The following KCNAB1 variants were observed in gnomAD, a reference collection of about 807,000 sequenced individuals.
KCNAB1 encodes the protein voltage-gated potassium channel subunit beta-1.
KCNAB1 carries 35 observed loss-of-function variants against 64.6 expected under a neutral mutation model. That is an observed-to-expected ratio of 0.54 (90% confidence interval 0.41 to 0.72). The LOEUF (loss-of-function observed/expected upper bound fraction) is 0.72. KCNAB1 is among the 30% of genes least tolerant of loss of function. KCNAB1 has a pLI of 0.00. For synonymous variants in KCNAB1, 177 were observed against 183.8 expected (o/e 0.96, Z 0.30); for missense variants, 401 against 512.9 (o/e 0.78, Z 2.11).
At chr3:156,421,686 G>A (rs762434779) in intron 2 of KCNAB1, 27 bp downstream of exon 2, 85 of 1,611,378 alleles carry the variant, frequency 5.3e-5, no homozygotes, top group Non-Finnish European at 7.1e-5. Flanking sequence ...TGACCTGGGG[G>A]TGGGCTGGAA....
intron 1 of KCNAB1, among the ~76,000 whole-genome samples, chr3:156,195,413 G>T (rs1008778507): frequency 6.6e-6 from 1 of 152,180 alleles, no homozygotes; most frequent in African/African-American, 2.4e-5. Context: ...CAGTGTAAAA[G>T]CCTTCCTATT....
chr3:156,534,365 C>T (rs1308187606), intron 13 of KCNAB1, among the ~76,000 whole-genome samples: 1 of 152,072 alleles, frequency 6.6e-6, no homozygotes, highest in Non-Finnish European at 1.5e-5. Flanking sequence ...GAGGAGAAAC[C>T]ACAGCTGCAG....
At chr3:156,471,970 C>T (rs149630151) in intron 7 of KCNAB1, among the ~76,000 whole-genome samples, 1,582 of 152,264 alleles carry the variant, frequency 0.01, 19 homozygotes, top group African/African-American at 0.036. Flanking sequence ...CAGGGTCATT[C>T]GGGACAGCCC....
At chr3:156,419,823 C>G (rs1715347438) in intron 1 of KCNAB1, among the ~76,000 whole-genome samples, 1 of 152,178 alleles carries the variant, frequency 6.6e-6, no homozygotes, top group Admixed American at 6.5e-5. Context: ...ATGCCTTGTT[C>G]TTCTCTGTAT....
At chr3:156,143,540 A>G (rs372010778) in intron 1 of KCNAB1, 3 of 572,000 alleles carry the variant, frequency 5.2e-6, no homozygotes, top group Non-Finnish European at 8.3e-6. Context: ...GGAAAAATGC[A>G]GTGAGCCCTC....
At chr3:156,418,365 C>G (rs922321458) in intron 1 of KCNAB1, among the ~76,000 whole-genome samples, 1 of 152,158 alleles carries the variant, frequency 6.6e-6, no homozygotes, top group African/African-American at 2.4e-5. Context: ...TATAGCCCAG[C>G]ATGATTAGTA....
chr3:156,323,269 G>A (rs1469832234), intron 1 of KCNAB1, among the ~76,000 whole-genome samples: 1 of 152,140 alleles, frequency 6.6e-6, no homozygotes, highest in Non-Finnish European at 1.5e-5. Context: ...AAGGACCAAT[G>A]ACTGGAGTGG....
chr3:156,155,031 T>C (rs1255692445), intron 1 of KCNAB1, among the ~76,000 whole-genome samples: 1 of 152,234 alleles, frequency 6.6e-6, no homozygotes, highest in Admixed American at 6.5e-5. Context: ...AATTGTTGGA[T>C]AATCCAAAAC....
intron 8 of KCNAB1, among the ~76,000 whole-genome samples, chr3:156,513,811 G>C (rs1717379143): frequency 6.6e-6 from 1 of 152,150 alleles, no homozygotes. Flanking sequence ...TGTGAGCCAC[G>C]GTGACTTCGG....
At chr3:156,477,777 TAAAG>T (rs1232223561) in intron 8 of KCNAB1, among the ~76,000 whole-genome samples, 2 of 151,976 alleles carry the variant, frequency 1.3e-5, no homozygotes, top group African/African-American at 4.8e-5. Flanking sequence ...ATCTGGGAAA[TAAAG>T]AAGAAATAGG....
At chr3:156,311,858 G>C (rs1462567670) in intron 1 of KCNAB1, among the ~76,000 whole-genome samples, 1 of 152,198 alleles carries the variant, frequency 6.6e-6, no homozygotes, top group Non-Finnish European at 1.5e-5. Flanking sequence ...AAATAGTGCA[G>C]TGTGCACTTA....
At chr3:156,135,295 C>A (rs1396982239) in intron 1 of KCNAB1, among the ~76,000 whole-genome samples, 1 of 152,140 alleles carries the variant, frequency 6.6e-6, no homozygotes, top group Non-Finnish European at 1.5e-5. Flanking sequence ...CTGCACCCAG[C>A]CTGGTTTAGC....
In KCNAB1 at chr3:156,273,545, C is replaced by T. The variant is rs1386525909; in HGVS notation, c.276-148071C>T. 1.3e-5 allele frequency: 6 copies of T among 456,266 alleles called. No individual in the cohort carries two copies. The East Asian group carries it at 4.2e-4, about 32-fold the overall frequency. The allele number at this position is 456,266 out of a possible 1,614,324, so 28.3% of individuals were successfully genotyped here. On this transcript the variant is annotated intron_variant, in intron 1 of 13. Coordinates refer to ENST00000490337, the MANE Select transcript of KCNAB1 (RefSeq NM_172160.3). ...TTACAATTGCTGCACTCTCCCTCCCCTAAGCACACAGATGCTCTTTCCATG... is the reference window on the plus strand; with the variant it reads ...TTACAATTGCTGCACTCTCCCTCCCTTAAGCACACAGATGCTCTTTCCATG...
At chr3:156,139,513 C>A (rs147481285) in intron 1 of KCNAB1, among the ~76,000 whole-genome samples, 2 of 149,998 alleles carry the variant, frequency 1.3e-5, no homozygotes, top group African/African-American at 4.9e-5. Context: ...TAACTGGTGG[C>A]TACCATAAGT....
intron 1 of KCNAB1, among the ~76,000 whole-genome samples, chr3:156,308,173 C>G (rs1287325326): frequency 6.6e-6 from 1 of 152,134 alleles, no homozygotes; most frequent in Non-Finnish European, 1.5e-5. Context: ...AGCAAGTGAG[C>G]CTTTGAGTAT....
At chr3:156,457,797 T>C (rs1370536989) in intron 4 of KCNAB1, among the ~76,000 whole-genome samples, 1 of 152,120 alleles carries the variant, frequency 6.6e-6, no homozygotes, top group Non-Finnish European at 1.5e-5. Flanking sequence ...AATTGCCATG[T>C]CTATGTGAGG....
In KCNAB1 at chr3:156,281,716, T is replaced by G. The variant is rs1479686118; in HGVS notation, c.276-139900T>G. 5.3e-5 allele frequency among the ~76,000 whole-genome samples: 8 copies of G among 151,350 alleles called. No homozygotes were observed. The East Asian group carries it at 9.7e-4, about 18-fold the overall frequency. ...TGGGAGAGTGTATGTGTCCAGGAAT[T>G]TATCCATTTCTTCTAGATTTTCTAG... On this transcript the variant is annotated intron_variant, in intron 1 of 13. Coordinates refer to ENST00000490337, the MANE Select transcript of KCNAB1 (RefSeq NM_172160.3).
chr3:156,536,750 C>T lies in KCNAB1; in HGVS notation c.*3C>T, dbSNP rs759702040. The T allele has an allele frequency of 1.9e-6, 3 of 1,591,208 alleles. No individual in the cohort carries two copies. In the Admixed American group the frequency reaches 5.0e-5, roughly 27 times the overall value. ...GCAAGAAGGACTATAGATCATAAGG[C>T]AATGCATGAACCACAGAAGCTGCAT... On this transcript the variant is annotated 3_prime_UTR_variant, in exon 14 of 14. Coordinates refer to ENST00000490337, the MANE Select transcript of KCNAB1 (RefSeq NM_172160.3).
intron 1 of KCNAB1, among the ~76,000 whole-genome samples, chr3:156,217,578 T>C (rs1715405438): frequency 6.6e-6 from 1 of 152,254 alleles, no homozygotes; most frequent in South Asian, 2.1e-4. Context: ...CAGGAACTCT[T>C]TTCTTACTTG....
Sources: gnomAD v4.1 joint callset for allele counts (sites outside exome capture counted in the v4.1 genomes callset) on GRCh38, gnomAD v4.1.1 for gene constraint, MANE v1.5 for transcripts, NCBI Gene and HGNC (gene_info 2026-07-23, HGNC 2026-07-21) for gene names.